Variants in ROR1 observed in about 807,000 individuals in gnomAD.
The protein encoded by ROR1 is inactive tyrosine-protein kinase transmembrane receptor ROR1.
In ROR1, 19 loss-of-function variants were observed where a neutral mutation model predicts 78.8. The ratio of observed to expected loss-of-function variants is 0.24; its 90% CI spans 0.17 to 0.35. ROR1 has a LOEUF of 0.35. Ranked by LOEUF, ROR1 falls within the 10% of genes least tolerant of loss-of-function variation. The probability of loss-of-function intolerance (pLI) is 1.00; values close to 1 mark genes in which losing one functional copy is unlikely to be tolerated. For missense variants in ROR1, 917 were observed against 1,177.8 expected, an observed-to-expected ratio of 0.78 and a Z score of 3.24; for synonymous variants, 386 against 433.6, an observed-to-expected ratio of 0.89 and a Z score of 1.36.
chr1:63,988,817 TCTTC>T (rs1646271373), intron 1 of ROR1, among the ~76,000 whole-genome samples: 1 of 152,248 alleles, frequency 6.6e-6, no homozygotes, highest in Non-Finnish European at 1.5e-5. Flanking sequence ...GCTAGAATTT[TCTTC>T]CTTTTTAAGG....
At chr1:64,139,971 A>T (rs1486666967) in intron 5 of ROR1, 138 bp from the exon 6 acceptor site, 2 of 698,368 alleles carry the variant, frequency 2.9e-6, no homozygotes, top group Non-Finnish European at 4.7e-6. Context: ...TCTGAAATGA[A>T]TCTCCTTCTC....
At chr1:64,151,660 G>A (rs1007114588) in intron 7 of ROR1, among the ~76,000 whole-genome samples, 2 of 151,316 alleles carry the variant, frequency 1.3e-5, no homozygotes, top group Non-Finnish European at 2.9e-5. Context: ...ATCATTTAAG[G>A]TCAGGAGTTC....
intron 1 of ROR1, among the ~76,000 whole-genome samples, chr1:63,904,993 C>T (rs1355051471): frequency 6.6e-6 from 1 of 152,116 alleles, no homozygotes. Flanking sequence ...GGTGTCTTAG[C>T]TCCTGCTTGT....
intron 1 of ROR1, among the ~76,000 whole-genome samples, chr1:63,838,297 G>A (rs1287020101): frequency 6.6e-6 from 1 of 151,776 alleles, no homozygotes; most frequent in African/African-American, 2.4e-5. Context: ...TGAAGGACCT[G>A]AAGGCAGGTC....
chr1:63,950,757 G>C (rs1281196750), intron 1 of ROR1, among the ~76,000 whole-genome samples: 1 of 152,180 alleles, frequency 6.6e-6, no homozygotes, highest in Non-Finnish European at 1.5e-5. Flanking sequence ...TGAATGCAAG[G>C]GCAGCCAGAT....
intron 1 of ROR1, among the ~76,000 whole-genome samples, chr1:63,900,587 G>A (rs1645477452): frequency 6.6e-6 from 1 of 152,076 alleles, no homozygotes; most frequent in Non-Finnish European, 1.5e-5. Flanking sequence ...CATGGATTAG[G>A]AAATTGAGGT....
intron 6 of ROR1, among the ~76,000 whole-genome samples, chr1:64,142,116 C>T (rs1363589546): frequency 6.6e-6 from 1 of 152,210 alleles, no homozygotes; most frequent in Non-Finnish European, 1.5e-5. Flanking sequence ...CCCCAGGTCC[C>T]ACCCCAGTTC....
chr1:63,981,647 T>A (rs1352228890), intron 1 of ROR1, among the ~76,000 whole-genome samples: 1 of 152,116 alleles, frequency 6.6e-6, no homozygotes, highest in Non-Finnish European at 1.5e-5. Context: ...TGGGATCCTT[T>A]GGCTGGGCTG....
rs1343550994 is a variant in ROR1, at chr1:64,181,171, A to C, written c.*2316A>C. On this transcript the variant is annotated 3_prime_UTR_variant, in exon 9 of 9. Transcript: ENST00000371079. The stretch of plus-strand genomic sequence containing the variant: ...TTATGGTTTGTGTCACAGAAGTGAA[A>C]ATATATCTTTGCATTTTTATATCTG... 1.3e-5 allele frequency: 2 copies of C among 152,092 alleles called. No homozygotes were observed. Among genetic ancestry groups the C allele is most frequent in the African/African-American group, 4.8e-5 (2 of 41,442 alleles). The allele number at this position is 152,092 out of a possible 1,614,324, so 9.4% of individuals were successfully genotyped here.
chr1:63,863,681 C>G (rs577876330), intron 1 of ROR1, among the ~76,000 whole-genome samples: 1 of 151,892 alleles, frequency 6.6e-6, no homozygotes, highest in African/African-American at 2.4e-5. Context: ...GTTTCACAGA[C>G]TACATTTTCC....
chr1:64,041,147 T>C (rs937059240), intron 2 of ROR1, among the ~76,000 whole-genome samples: 10 of 152,232 alleles, frequency 6.6e-5, no homozygotes, highest in African/African-American at 2.4e-4. Context: ...CTAAGACCTC[T>C]ATAAACCTTG....
At chr1:63,777,145 A>G (rs1644621901) in intron 1 of ROR1, among the ~76,000 whole-genome samples, 1 of 152,136 alleles carries the variant, frequency 6.6e-6, no homozygotes, top group South Asian at 2.1e-4. Flanking sequence ...AGGAACCTGA[A>G]GCTTACCTTA....
intron 8 of ROR1, among the ~76,000 whole-genome samples, chr1:64,177,187 G>A (rs1456524806): frequency 6.6e-6 from 1 of 152,228 alleles, no homozygotes; most frequent in Non-Finnish European, 1.5e-5. Context: ...CAAGACTCTA[G>A]ACAACAGCAA....
At chr1:63,778,322 A>G (rs547915177) in intron 1 of ROR1, among the ~76,000 whole-genome samples, 72 of 152,242 alleles carry the variant, frequency 4.7e-4, no homozygotes, top group Non-Finnish European at 8.8e-4. Context: ...AGCTATAGCT[A>G]TAATCTTATT....
chr1:63,857,028 C>T (rs750996252), intron 1 of ROR1, among the ~76,000 whole-genome samples: 6 of 152,026 alleles, frequency 3.9e-5, no homozygotes, highest in Non-Finnish European at 5.9e-5. Flanking sequence ...TCTTTAATCT[C>T]GGGATTTCTA....
chr1:63,779,433 T>C (rs1644637835), intron 1 of ROR1, among the ~76,000 whole-genome samples: 1 of 152,088 alleles, frequency 6.6e-6, no homozygotes, highest in African/African-American at 2.4e-5. Flanking sequence ...TTAGCCTGGC[T>C]TCACCCATTC....
chr1:63,909,628 C>T (rs1263636460), intron 1 of ROR1, among the ~76,000 whole-genome samples: 6 of 152,130 alleles, frequency 3.9e-5, no homozygotes, highest in East Asian at 1.9e-4. Context: ...CTTTCAAGTG[C>T]GTGAAGTTTT....
At chr1:64,074,199 C>T (rs1040829964) in intron 4 of ROR1, among the ~76,000 whole-genome samples, 5 of 152,274 alleles carry the variant, frequency 3.3e-5, no homozygotes, top group Middle Eastern at 6.8e-3. Flanking sequence ...CATGACCAAG[C>T]CAGCCCAGTT....
At chr1:63,990,238 C>G (rs1351007765) in intron 1 of ROR1, among the ~76,000 whole-genome samples, 7 of 152,098 alleles carry the variant, frequency 4.6e-5, no homozygotes, top group African/African-American at 1.7e-4. Context: ...AAGGGAATAC[C>G]TAAAGACTTG....
Sources: allele counts gnomAD v4.1 joint callset (sites outside exome capture counted in the v4.1 genomes callset), GRCh38; gene constraint gnomAD v4.1.1; transcripts MANE v1.5; gene names NCBI Gene and HGNC (gene_info 2026-07-23, HGNC 2026-07-21).